The following PIP5K1B variants were observed in gnomAD, a reference collection of about 807,000 sequenced individuals.
The protein encoded by PIP5K1B is phosphatidylinositol-4-phosphate 5-kinase type 1 beta.
A neutral mutation model predicts 67.0 loss-of-function variants in PIP5K1B; 42 were observed. The observed-to-expected ratio is 0.63, with a 90% confidence interval of 0.49 to 0.81. The LOEUF (loss-of-function observed/expected upper bound fraction) is 0.81, where lower values mean the gene tolerates loss of function less well. PIP5K1B is among the 30% of genes least tolerant of loss of function. PIP5K1B has a pLI of 0.00. For synonymous variants in PIP5K1B, 214 were observed against 231.4 expected, an observed-to-expected ratio of 0.92 and a Z score of 0.68; for missense variants, 459 against 646.3, an observed-to-expected ratio of 0.71 and a Z score of 3.14.
In PIP5K1B at chr9:68,803,956, T is replaced by C. The variant is rs575432996; in HGVS notation, c.-85-14505T>C. ...GCTTCAGAGAAGTTGAGGAAGGTCATGAATGAAATGACTGCTTGGGTGAAG... is the reference window on the plus strand; with the variant it reads ...GCTTCAGAGAAGTTGAGGAAGGTCACGAATGAAATGACTGCTTGGGTGAAG... On this transcript the variant is annotated intron_variant, in intron 2 of 15. Coordinates refer to ENST00000265382, the MANE Select transcript of PIP5K1B (RefSeq NM_003558.4). Among the ~76,000 whole-genome samples, 346 of 152,192 alleles carry C rather than the reference T, an allele frequency of 2.3e-3. 1 individual carries two copies. The highest frequency in any genetic ancestry group is 3.1e-3 in the Non-Finnish European group (209 of 68,016).
At chr9:68,926,776 T>C (rs1180639304) in intron 12 of PIP5K1B, among the ~76,000 whole-genome samples, 1 of 152,056 alleles carries the variant, frequency 6.6e-6, no homozygotes. Flanking sequence ...ATCACCATGT[T>C]GGCCAGGCTG....
chr9:68,870,797 C>T (rs756082691), intron 5 of PIP5K1B, among the ~76,000 whole-genome samples: 1 of 152,184 alleles, frequency 6.6e-6, no homozygotes, highest in Non-Finnish European at 1.5e-5. Context: ...GGGCATTTAG[C>T]ATCCTTTAGC....
intron 14 of PIP5K1B, among the ~76,000 whole-genome samples, chr9:68,970,815 A>G (rs1829323246): frequency 6.6e-6 from 1 of 152,182 alleles, no homozygotes; most frequent in Admixed American, 6.5e-5. Flanking sequence ...GCATGTTGCC[A>G]GCAGCCACAG....
At chr9:68,824,293 GC>G (rs1239554452) in intron 4 of PIP5K1B, 5 of 516,256 alleles carry the variant, frequency 9.7e-6, no homozygotes, top group African/African-American at 9.7e-5. Flanking sequence ...CTTTGTCGCT[GC>G]AAAAGTTATA....
chr9:68,838,201 G>T (rs968228359), intron 4 of PIP5K1B, among the ~76,000 whole-genome samples: 1 of 149,382 alleles, frequency 6.7e-6, no homozygotes. Flanking sequence ...TATTCTACTC[G>T]GTTCATGACT....
intron 14 of PIP5K1B, among the ~76,000 whole-genome samples, chr9:68,967,400 A>G (rs1487072849): frequency 6.6e-6 from 1 of 152,208 alleles, no homozygotes; most frequent in Admixed American, 6.5e-5. Context: ...ATATTTTGGC[A>G]TATGTAACAA....
chr9:68,960,747 C>T (rs1242833109), intron 14 of PIP5K1B, among the ~76,000 whole-genome samples: 1 of 152,168 alleles, frequency 6.6e-6, no homozygotes, highest in Non-Finnish European at 1.5e-5. Flanking sequence ...GTTGCTGTAA[C>T]TTATCTGAGG....
At chr9:68,990,075 A>T (rs778594715) in intron 14 of PIP5K1B, among the ~76,000 whole-genome samples, 8 of 151,842 alleles carry the variant, frequency 5.3e-5, no homozygotes, top group Non-Finnish European at 1.2e-4. Flanking sequence ...TCTTCAGATG[A>T]CTCTCCAATA....
intron 1 of PIP5K1B, among the ~76,000 whole-genome samples, chr9:68,723,695 G>GTTTTTTT (rs36021674): frequency 1.9e-3 from 94 of 50,096 alleles, no homozygotes; most frequent in Non-Finnish European, 2.4e-3. Context: ...GAAGTATTTG[G>GTTTTTTT]TTTTTTTTTT....
intron 7 of PIP5K1B, among the ~76,000 whole-genome samples, chr9:68,893,572 T>C (rs1824923223): frequency 6.6e-6 from 1 of 152,136 alleles, no homozygotes; most frequent in Admixed American, 6.5e-5. Context: ...GACCTCGTGA[T>C]CCACCCGCCT....
intron 5 of PIP5K1B, among the ~76,000 whole-genome samples, chr9:68,867,069 G>A (rs4745351): frequency 0.92 from 140,247 of 152,224 alleles, 64,796 homozygotes; most frequent in Admixed American, 0.95. Flanking sequence ...TACTTATAGT[G>A]TACATGAAAT....
At chr9:68,986,384 G>A (rs1290451693) in intron 14 of PIP5K1B, among the ~76,000 whole-genome samples, 1 of 152,060 alleles carries the variant, frequency 6.6e-6, no homozygotes, top group East Asian at 1.9e-4. Flanking sequence ...GACCATTCAT[G>A]TCTTCTTTGG....
At chr9:68,785,555 A>T (rs1831562993) in intron 2 of PIP5K1B, among the ~76,000 whole-genome samples, 1 of 152,216 alleles carries the variant, frequency 6.6e-6, no homozygotes, top group South Asian at 2.1e-4. Context: ...AATACTTGCT[A>T]TGTGTCAGGG....
chr9:68,758,409 C>A (rs1830035952), intron 2 of PIP5K1B, among the ~76,000 whole-genome samples: 1 of 152,024 alleles, frequency 6.6e-6, no homozygotes. Context: ...CAAATGAATA[C>A]ATGATATAAA....
At chr9:68,775,525 A>G (rs1830872043) in intron 2 of PIP5K1B, among the ~76,000 whole-genome samples, 1 of 152,194 alleles carries the variant, frequency 6.6e-6, no homozygotes, top group Admixed American at 6.5e-5. Context: ...GGCAGGGAGC[A>G]TAGACAGCAT....
chr9:68,830,846 A>T (rs1834276867), intron 4 of PIP5K1B, among the ~76,000 whole-genome samples: 1 of 152,162 alleles, frequency 6.6e-6, no homozygotes, highest in Non-Finnish European at 1.5e-5. Context: ...GCTTAATATA[A>T]GCAGGTGTTC....
chr9:68,993,544 C>G (rs1373342965), intron 15 of PIP5K1B, among the ~76,000 whole-genome samples: 1 of 152,094 alleles, frequency 6.6e-6, no homozygotes, highest in Non-Finnish European at 1.5e-5. Context: ...ATGCTCCACC[C>G]TACCATTGCC....
At chr9:68,728,982 A>G (rs1384838047) in intron 1 of PIP5K1B, 2 of 152,190 alleles carry the variant, frequency 1.3e-5, no homozygotes, top group African/African-American at 4.8e-5. Flanking sequence ...ACCTTCCCTA[A>G]TGGTGATTGT....
intron 4 of PIP5K1B, 95 bp downstream of exon 4, chr9:68,822,778 A>G: frequency 1.2e-6 from 1 of 853,802 alleles, no homozygotes; most frequent in Admixed American, 2.1e-5. Flanking sequence ...AGCAGTTGTA[A>G]GTTACTATCT....
Sources: gnomAD v4.1 joint callset for allele counts (sites outside exome capture counted in the v4.1 genomes callset) on GRCh38, gnomAD v4.1.1 for gene constraint, MANE v1.5 for transcripts, NCBI Gene and HGNC (gene_info 2026-07-23, HGNC 2026-07-21) for gene names.